The following IRS1 variants were observed in gnomAD, a reference collection of about 807,000 sequenced individuals.
IRS1 encodes insulin receptor substrate 1.
Under a neutral mutation model 65.6 loss-of-function variants are expected in IRS1, and 34 were observed. The ratio of observed to expected loss-of-function variants is 0.52; its 90% CI spans 0.39 to 0.69. The LOEUF is 0.69. Among genes scored for constraint, IRS1 ranks in the 30% least tolerant of loss-of-function variants. The pLI is 0.00. For missense variants in IRS1, 1,641 were observed against 1,720.2 expected (o/e 0.95, Z 0.81); for synonymous variants, 699 against 683.5 (o/e 1.02, Z -0.35).
At chr2:226,784,943 T>C (rs1049487922) in intron 1 of IRS1, among the ~76,000 whole-genome samples, 5 of 152,246 alleles carry the variant, frequency 3.3e-5, no homozygotes, top group Non-Finnish European at 7.3e-5. Flanking sequence ...ATTCTCCTTA[T>C]TCCATTCCTG....
intron 1 of IRS1, among the ~76,000 whole-genome samples, chr2:226,748,848 T>A (rs1226225304): frequency 6.6e-6 from 1 of 152,110 alleles, no homozygotes; most frequent in Non-Finnish European, 1.5e-5. Context: ...GGTTCCAGAT[T>A]CTAAAAATTA....
intron 1 of IRS1, among the ~76,000 whole-genome samples, chr2:226,787,684 G>T (rs16822652): frequency 6.6e-6 from 1 of 152,010 alleles, no homozygotes; most frequent in African/African-American, 2.4e-5. Flanking sequence ...ATGGGTGGTG[G>T]GCTTGAATAG....
chr2:226,764,085 C>A (rs181351494), intron 1 of IRS1, among the ~76,000 whole-genome samples: 11 of 152,060 alleles, frequency 7.2e-5, no homozygotes, highest in Non-Finnish European at 2.9e-5. Context: ...AGAACACACT[C>A]CAAGAATCAT....
At chr2:226,773,702 C>T (rs916661310) in intron 1 of IRS1, among the ~76,000 whole-genome samples, 1 of 151,938 alleles carries the variant, frequency 6.6e-6, no homozygotes, top group African/African-American at 2.4e-5. Flanking sequence ...TTAAACAAAA[C>T]ATGTGTGCTT....
chr2:226,747,258 A>G (rs1938566902), intron 1 of IRS1, among the ~76,000 whole-genome samples: 1 of 152,140 alleles, frequency 6.6e-6, no homozygotes, highest in Non-Finnish European at 1.5e-5. Flanking sequence ...AGTGACTGTT[A>G]TGGACTGAAA....
chr2:226,744,464 C>G (rs1938498611), intron 1 of IRS1, among the ~76,000 whole-genome samples: 1 of 152,158 alleles, frequency 6.6e-6, no homozygotes. Context: ...AAGATTTTCC[C>G]TACAACATAC....
At position 226,796,896 on chromosome 2, in the gene IRS1, T is replaced by C; in HGVS notation, c.1843A>G (p.Met615Val). The stretch of plus-strand genomic sequence containing the variant: ...GGCACTGGGGCCACCCCTGGGGACA[T>C]GGGCATGTAGCCATCATCCGTGTGG... The part of the protein sequence containing the change: ...TLHTDDGYMP[M>V]SPGVAPVPSG... The change falls in exon 1 of 2, where the codon ATG becomes GTG. Residue 615 changes from methionine (M) to valine (V), a missense_variant. Coordinates refer to ENST00000305123, the MANE Select transcript of IRS1 (RefSeq NM_005544.3). 5.8e-6 allele frequency: 9 copies of C among 1,540,390 alleles called. No homozygotes were observed. The highest frequency in any genetic ancestry group is 7.0e-6 in the Non-Finnish European group (8 of 1,142,768).
chr2:226,781,865 T>TACACACACACAC (rs34695433), intron 1 of IRS1, among the ~76,000 whole-genome samples: 141 of 131,590 alleles, frequency 1.1e-3, no homozygotes, highest in East Asian at 2.6e-3. Flanking sequence ...CACCCCTAAA[T>TACACACACACAC]ACACACACAC....
At chr2:226,742,715 A>G (rs78234479) in intron 1 of IRS1, among the ~76,000 whole-genome samples, 1 of 148,222 alleles carries the variant, frequency 6.7e-6, no homozygotes. Context: ...CGCATTATGA[A>G]AAAAAAAAAA....
At position 226,796,951 on chromosome 2, in the gene IRS1, C is replaced by T. The variant is rs749768018; in HGVS notation, c.1788G>A (p.Gly596=). 1.8e-5 allele frequency: 28 copies of T among 1,562,876 alleles called. No individual in the cohort carries two copies. The Middle Eastern group carries it at 6.9e-4, about 38-fold the overall frequency. ...TGGAGCTGTCTGGGCGGTGGTGCCC[C>T]CCCCGACGCTCCAAGGGGTGCATTT... ...GLEMHPLERR[G]GHHRPDSSTL... The change falls in exon 1 of 2, where the codon GGG becomes GGA. Residue 596 remains glycine (G), a synonymous_variant. Transcript: ENST00000305123.
chr2:226,774,391 T>G (rs1349624603), intron 1 of IRS1, among the ~76,000 whole-genome samples: 1 of 152,030 alleles, frequency 6.6e-6, no homozygotes, highest in African/African-American at 2.4e-5. Context: ...AGTAAAACAC[T>G]AACATGGGGC....
rs1938296063 is a variant in IRS1 at position 226,734,830 on chromosome 2, AG to A, written c.*1441del. ...ACGTGTATACTTTCCAAACAAGAAA[AG>A]AATTAACATTTTCACTGCTGGCTAG... On this transcript the variant is annotated 3_prime_UTR_variant, in exon 2 of 2. Transcript: ENST00000305123. 1 of 152,232 alleles carries A rather than the reference AG, an allele frequency of 6.6e-6. No individual in the cohort carries two copies. The highest frequency in any genetic ancestry group is 2.4e-5 in the African/African-American group (1 of 41,462). The allele number at this position is 152,232 out of a possible 1,614,324, so 9.4% of individuals were successfully genotyped here. A position where few individuals can be genotyped will look rare whatever the true frequency, so the allele number is the denominator to read the frequency against.
rs1228508429 is a variant in IRS1, at chr2:226,734,824, A to T, written c.*1448T>A. ...TCCAAGACGTGTATACTTTCCAAAC[A>T]AGAAAAGAATTAACATTTTCACTGC... On this transcript the variant is annotated 3_prime_UTR_variant, in exon 2 of 2. Transcript: ENST00000305123. The T allele has an allele frequency of 6.6e-6, 1 of 152,226 alleles. No individual in the cohort carries two copies. Among genetic ancestry groups the T allele is most frequent in the Non-Finnish European group, 1.5e-5 (1 of 68,040 alleles). The allele number at this position is 152,226 out of a possible 1,614,324, so 9.4% of individuals were successfully genotyped here.
rs1938225816 is a variant in IRS1 at position 226,731,841 on chromosome 2, AG to A, written c.*4430del. ...CAATGGTGAAGTTCTAAAAAGAAAA[AG>A]AAAAAAAAAACCCTACAAATGTCTA... On this transcript the variant is annotated 3_prime_UTR_variant, in exon 2 of 2. Transcript: ENST00000305123. 1 of 152,082 alleles carries A rather than the reference AG, an allele frequency of 6.6e-6. No homozygotes were observed. Among genetic ancestry groups the A allele is most frequent in the South Asian group, 2.1e-4 (1 of 4,830 alleles). The allele number at this position is 152,082 out of a possible 1,614,324, so 9.4% of individuals were successfully genotyped here.
At chr2:226,780,835 G>C (rs1939366916) in intron 1 of IRS1, among the ~76,000 whole-genome samples, 1 of 152,144 alleles carries the variant, frequency 6.6e-6, no homozygotes, top group Admixed American at 6.5e-5. Flanking sequence ...GAAATGGTTT[G>C]AGATACTCAA....
chr2:226,778,301 G>T (rs1939312020), intron 1 of IRS1, among the ~76,000 whole-genome samples: 1 of 152,100 alleles, frequency 6.6e-6, no homozygotes, highest in Non-Finnish European at 1.5e-5. Context: ...TCTCTCACAT[G>T]TAAATGAAGG....
chr2:226,772,248 G>A (rs867330875), intron 1 of IRS1, among the ~76,000 whole-genome samples: 23 of 152,136 alleles, frequency 1.5e-4, no homozygotes, highest in Admixed American at 1.0e-3. Flanking sequence ...GTGTATGAGA[G>A]GCAATTCACA....
intron 1 of IRS1, among the ~76,000 whole-genome samples, chr2:226,777,292 T>C (rs1939293520): frequency 6.6e-6 from 1 of 152,222 alleles, no homozygotes; most frequent in Admixed American, 6.5e-5. Flanking sequence ...TCTGTAAATC[T>C]GTAACTGTCC....
chr2:226,733,516 T>A lies in IRS1; in HGVS notation c.*2756A>T, dbSNP rs1938268715. ...AAGTCATAAAACATATTTGTTCTTT[T>A]CGCAAAAGAGGATTTTAAAACTCTG... On this transcript the variant is annotated 3_prime_UTR_variant, in exon 2 of 2. Coordinates refer to ENST00000305123, the MANE Select transcript of IRS1 (RefSeq NM_005544.3). The A allele has an allele frequency of 6.6e-6, 1 of 152,236 alleles. No homozygotes were observed. Among genetic ancestry groups the A allele is most frequent in the Non-Finnish European group, 1.5e-5 (1 of 68,040 alleles). The allele number at this position is 152,236 out of a possible 1,614,324, so 9.4% of individuals were successfully genotyped here.
Sources: gnomAD v4.1 joint callset for allele counts (sites outside exome capture counted in the v4.1 genomes callset) on GRCh38, gnomAD v4.1.1 for gene constraint, MANE v1.5 for transcripts, NCBI Gene and HGNC (gene_info 2026-07-23, HGNC 2026-07-21) for gene names.